The following CSNK2A2IP variants were observed in gnomAD, a reference collection of about 807,000 sequenced individuals.
CSNK2A2IP encodes the protein casein kinase II subunit alpha'-interacting protein.
chr3:88,382,156 T>C, the CSNK2A2IP span, among the ~76,000 whole-genome samples: 1 of 152,222 alleles, frequency 6.6e-6, no homozygotes, highest in Admixed American at 6.5e-5. Flanking sequence ...CTACTTGGTG[T>C]AGGATATTTC....
At chr3:88,376,577 T>C in the CSNK2A2IP span, among the ~76,000 whole-genome samples, 384 of 151,982 alleles carry the variant, frequency 2.5e-3, 2 homozygotes, top group African/African-American at 9.0e-3. Context: ...CTTTGAATTA[T>C]ATTCTATCTT....
chr3:88,356,681 T>C, the CSNK2A2IP span, among the ~76,000 whole-genome samples: 5 of 152,164 alleles, frequency 3.3e-5, no homozygotes, highest in African/African-American at 1.2e-4. Flanking sequence ...TACTGTTTTC[T>C]CTAGTGGCTA....
chr3:88,345,776 G>GT, the CSNK2A2IP span, among the ~76,000 whole-genome samples: 66,458 of 151,572 alleles, frequency 0.44, 15,811 homozygotes, highest in South Asian at 0.62. Context: ...GTTGAAATAA[G>GT]TCATTTAATA....
the CSNK2A2IP span, among the ~76,000 whole-genome samples, chr3:88,444,773 G>A: frequency 1.3e-5 from 2 of 152,126 alleles, no homozygotes; most frequent in Admixed American, 1.3e-4. Context: ...ATTATCCATT[G>A]GAGGCTACGT....
chr3:88,404,126 A>G, the CSNK2A2IP span, among the ~76,000 whole-genome samples: 3 of 151,904 alleles, frequency 2.0e-5, no homozygotes, highest in Admixed American at 6.6e-5. Flanking sequence ...AAGTTGAAGG[A>G]GGGATGGTTT....
At chr3:88,446,144 A>G in the CSNK2A2IP span, among the ~76,000 whole-genome samples, 1 of 132,792 alleles carries the variant, frequency 7.5e-6, no homozygotes, top group Admixed American at 8.4e-5. Flanking sequence ...GTCCCACTCT[A>G]TTACCCAGGC....
At chr3:88,446,619 G>A in the CSNK2A2IP span, among the ~76,000 whole-genome samples, 2 of 151,954 alleles carry the variant, frequency 1.3e-5, no homozygotes, top group Non-Finnish European at 2.9e-5. Context: ...ATACTTAATG[G>A]TGAAATGATC....
the CSNK2A2IP span, among the ~76,000 whole-genome samples, chr3:88,421,804 C>T: frequency 6.6e-6 from 1 of 152,164 alleles, no homozygotes; most frequent in African/African-American, 2.4e-5. Flanking sequence ...CACAGCACAG[C>T]TCCCAAAAGC....
At chr3:88,418,012 T>C in the CSNK2A2IP span, among the ~76,000 whole-genome samples, 1 of 152,236 alleles carries the variant, frequency 6.6e-6, no homozygotes, top group Non-Finnish European at 1.5e-5. Context: ...AGCATCTTTA[T>C]GATACTGTAT....
the CSNK2A2IP span, among the ~76,000 whole-genome samples, chr3:88,445,921 TCTTTCTTTCTTC>T: frequency 1.5e-4 from 22 of 150,010 alleles, no homozygotes; most frequent in African/African-American, 4.0e-4. Context: ...TTTCTCTCTT[TCTTTCTTTCTTC>T]CTTTCTTTCT....
chr3:88,463,950 C>T, the CSNK2A2IP span, among the ~76,000 whole-genome samples: 9,389 of 151,958 alleles, frequency 0.062, 484 homozygotes, highest in East Asian at 0.21. Flanking sequence ...GGCACATATA[C>T]ACCATGGAAT....
the CSNK2A2IP span, among the ~76,000 whole-genome samples, chr3:88,365,319 A>G: frequency 2.0e-5 from 3 of 152,206 alleles, no homozygotes; most frequent in Non-Finnish European, 4.4e-5. Flanking sequence ...AATAACTTTT[A>G]GGCAGGATTT....
the CSNK2A2IP span, among the ~76,000 whole-genome samples, chr3:88,387,369 C>A: frequency 2.6e-5 from 4 of 152,044 alleles, no homozygotes; most frequent in Non-Finnish European, 5.9e-5. Flanking sequence ...TGGGGTTTCA[C>A]CATGTTGGCC....
At chr3:88,411,208 T>C in the CSNK2A2IP span, among the ~76,000 whole-genome samples, 1 of 151,970 alleles carries the variant, frequency 6.6e-6, no homozygotes, top group Admixed American at 6.6e-5. Context: ...AAGGTATAGT[T>C]GTTTGTGGGC....
the CSNK2A2IP span, chr3:88,467,384 G>C: frequency 7.5e-6 from 3 of 398,364 alleles, no homozygotes; most frequent in Non-Finnish European, 1.3e-5. Context: ...AGCTACCATC[G>C]GTTGCCTGCA....
chr3:88,445,275 C>CAAAAAAAAAAAAAAAAAAAAA, the CSNK2A2IP span, among the ~76,000 whole-genome samples: 17 of 47,768 alleles, frequency 3.6e-4, 2 homozygotes, highest in Admixed American at 3.9e-4. Flanking sequence ...GTAAAAATAC[C>CAAAAAAAAAAAAAAAAAAAAA]AAAAAAAAAA....
At chr3:88,339,213 C>T in the CSNK2A2IP span, among the ~76,000 whole-genome samples, 1 of 152,026 alleles carries the variant, frequency 6.6e-6, no homozygotes, top group East Asian at 1.9e-4. Context: ...CCCCAGTTCC[C>T]ATTACCCTTC....
the CSNK2A2IP span, among the ~76,000 whole-genome samples, chr3:88,427,646 G>T: frequency 6.6e-6 from 1 of 152,164 alleles, no homozygotes; most frequent in East Asian, 1.9e-4. Flanking sequence ...TACAGCTCAG[G>T]GCATTGCTTC....
chr3:88,339,629 T>G, the CSNK2A2IP span, among the ~76,000 whole-genome samples: 63 of 152,194 alleles, frequency 4.1e-4, no homozygotes, highest in Admixed American at 1.3e-3. Flanking sequence ...CCTACAAGAT[T>G]GTTCAGTGAT....
Sources: gnomAD v4.1 joint callset for allele counts (sites outside exome capture counted in the v4.1 genomes callset) on GRCh38, gnomAD v4.1.1 for gene constraint, MANE v1.5 for transcripts, NCBI Gene and HGNC (gene_info 2026-07-23, HGNC 2026-07-21) for gene names.